The following MTMR3 variants were observed in gnomAD, a reference collection of about 807,000 sequenced individuals.
The protein encoded by MTMR3 is phosphatidylinositol-3,5-bisphosphate 3-phosphatase MTMR3.
Under a neutral mutation model 132.4 loss-of-function variants are expected in MTMR3, and 32 were observed. The observed-to-expected ratio is 0.24, with a 90% CI of 0.18 to 0.32. MTMR3 has a LOEUF of 0.32. Ranked by LOEUF, MTMR3 falls within the 10% of genes least tolerant of loss-of-function variation. The probability of loss-of-function intolerance (pLI) is 1.00; values close to 1 mark genes in which losing one functional copy is unlikely to be tolerated. For synonymous variants in MTMR3, 556 were observed against 550.3 expected (o/e 1.01, Z -0.14); for missense variants, 1,216 against 1,489.6 (o/e 0.82, Z 3.02).
Position 29,998,795 on chromosome 22 carries a change from G to T in MTMR3, c.495G>T (p.Val165=). The T allele has an allele frequency of 6.2e-7, 1 of 1,613,130 alleles. No individual in the cohort carries two copies. Among genetic ancestry groups the T allele is most frequent in the South Asian group, 1.1e-5 (1 of 90,928 alleles). The part of the protein sequence containing the change: ...EHVTSRFKNE[V]ERMGFDMNNA... Reference sequence around the variant, plus strand: ...TAACTTCAAGGTTTAAAAACGAGGTGGAGAGGATGGGTTTTGATATGAACA... The same window carrying T: ...TAACTTCAAGGTTTAAAAACGAGGTTGAGAGGATGGGTTTTGATATGAACA... The change falls in exon 8 of 20, where the codon GTG becomes GTT. Residue 165 remains valine (V), a synonymous_variant. Coordinates refer to ENST00000401950, the MANE Select transcript of MTMR3 (RefSeq NM_021090.4).
At chr22:30,022,572 A>G in intron 18 of MTMR3, 37 bp from the exon 19 acceptor site, 1 of 1,584,074 alleles carries the variant, frequency 6.3e-7, no homozygotes, top group Non-Finnish European at 8.7e-7. Context: ...TGGATGGCCC[A>G]TCTCCTGTCA....
At chr22:29,962,601 G>A (rs886586217) in intron 2 of MTMR3, among the ~76,000 whole-genome samples, 2 of 152,116 alleles carry the variant, frequency 1.3e-5, no homozygotes, top group African/African-American at 4.8e-5. Context: ...AGCCCAGGAG[G>A]TTGAGGCCGC....
Position 30,022,021 on chromosome 22 carries a change from G to C in MTMR3, c.3226-8G>C. ...TCATTCTGTTCAGCTGTGTTTGTTT[G>C]CCAACAGACTTCAATCCCCGACTCG... On this transcript the variant is annotated splice_polypyrimidine_tract_variant and splice_region_variant and intron_variant, in intron 17 of 19. Transcript: ENST00000401950. 6.2e-7 allele frequency: 1 copy of C among 1,606,304 alleles called. No individual in the cohort carries two copies. The highest frequency in any genetic ancestry group is 2.2e-5 in the East Asian group (1 of 44,844).
At chr22:29,966,269 A>G (rs61043203) in intron 2 of MTMR3, among the ~76,000 whole-genome samples, 6,615 of 152,214 alleles carry the variant, frequency 0.043, 484 homozygotes, top group African/African-American at 0.15. Context: ...TTATATAGAA[A>G]ATTAATAACT....
chr22:29,983,004 C>T (rs1314563657), intron 5 of MTMR3: 2 of 151,130 alleles, frequency 1.3e-5, no homozygotes, highest in East Asian at 3.9e-4. Flanking sequence ...TAGACTGCTT[C>T]TCAATCTGCT....
chr22:29,996,622 A>G (rs1012430461), intron 7 of MTMR3: 13 of 152,116 alleles, frequency 8.5e-5, no homozygotes, highest in African/African-American at 2.9e-4. Flanking sequence ...GAGTCGGGGG[A>G]AAAAATCTCT....
chr22:29,938,143 A>G (rs2065786240), intron 1 of MTMR3, among the ~76,000 whole-genome samples: 1 of 152,224 alleles, frequency 6.6e-6, no homozygotes, highest in Admixed American at 6.5e-5. Flanking sequence ...CATACCCACC[A>G]GCACCATGCA....
In MTMR3 at chr22:29,943,021, A is replaced by G. The variant is rs138490106; in HGVS notation, c.-137-14015A>G. On this transcript the variant is annotated intron_variant, in intron 1 of 19. Coordinates refer to ENST00000401950, the MANE Select transcript of MTMR3 (RefSeq NM_021090.4). ...TAATAAGTGTCTGTGAAATCTTCAT[A>G]ATTTATGTTCAGAGATTGCAGTAAA... 1.9e-4 allele frequency among the ~76,000 whole-genome samples: 29 copies of G among 152,268 alleles called. No homozygotes were observed. In the East Asian group the frequency reaches 5.4e-3, roughly 28 times the overall value.
At chr22:29,906,536 A>T (rs1160792277) in intron 1 of MTMR3, among the ~76,000 whole-genome samples, 1 of 151,048 alleles carries the variant, frequency 6.6e-6, no homozygotes, top group Non-Finnish European at 1.5e-5. Context: ...GAGTTTCACC[A>T]TGTTGGCCAG....
At chr22:29,909,800 C>G (rs893114001) in intron 1 of MTMR3, among the ~76,000 whole-genome samples, 4 of 152,156 alleles carry the variant, frequency 2.6e-5, no homozygotes, top group African/African-American at 4.8e-5. Context: ...AAATTTGCTT[C>G]TTGTTAAAAA....
At chr22:29,991,310 C>A (rs2066956463) in intron 6 of MTMR3, 194 bp from the exon 7 acceptor site, 1 of 445,288 alleles carries the variant, frequency 2.2e-6, no homozygotes, top group South Asian at 4.9e-5. Context: ...TCCTTTTGGA[C>A]ATTTTGTTCC....
At chr22:29,977,413 A>G (rs2066650946) in intron 3 of MTMR3, among the ~76,000 whole-genome samples, 1 of 152,246 alleles carries the variant, frequency 6.6e-6, no homozygotes, top group African/African-American at 2.4e-5. Flanking sequence ...TTACTTTTTA[A>G]TACAAATTGT....
At chr22:29,911,079 A>T (rs149193206) in intron 1 of MTMR3, among the ~76,000 whole-genome samples, 415 of 152,284 alleles carry the variant, frequency 2.7e-3, no homozygotes, top group African/African-American at 9.4e-3. Flanking sequence ...GCCCTACCCC[A>T]GGCAGGAGGT....
chr22:29,954,103 G>C (rs1461655264), intron 1 of MTMR3, among the ~76,000 whole-genome samples: 1 of 100,614 alleles, frequency 9.9e-6, no homozygotes, highest in Non-Finnish European at 1.8e-5. Flanking sequence ...ATTTAAAAGA[G>C]ACGAGGTCTC....
At chr22:29,938,879 T>C (rs1331802316) in intron 1 of MTMR3, among the ~76,000 whole-genome samples, 1 of 152,094 alleles carries the variant, frequency 6.6e-6, no homozygotes, top group Non-Finnish European at 1.5e-5. Context: ...TAGAGTGCAG[T>C]GTCGTGATCT....
Position 30,028,774 on chromosome 22 carries a change from T to G in MTMR3, c.*2973T>G, listed in dbSNP as rs2067960092. The stretch of plus-strand genomic sequence containing the variant: ...AAAGAGCCAGCTGAGCTGGTTCTAG[T>G]GTGAAAGCCGTAAGTGCCACCCAGC... On this transcript the variant is annotated 3_prime_UTR_variant, in exon 20 of 20. Transcript: ENST00000401950. 6.6e-6 allele frequency: 1 copy of G among 152,344 alleles called. No individual in the cohort carries two copies. Among genetic ancestry groups the G allele is most frequent in the East Asian group, 1.9e-4 (1 of 5,328 alleles). 9.4% of individuals were successfully genotyped at this position (152,344 alleles called of 1,614,324 possible).
intron 1 of MTMR3, among the ~76,000 whole-genome samples, chr22:29,950,847 T>C (rs1013226235): frequency 1.3e-5 from 2 of 152,226 alleles, no homozygotes; most frequent in African/African-American, 4.8e-5. Context: ...TATATCAGTA[T>C]ATCTGAGTTA....
At chr22:29,946,907 A>G (rs1031041044) in intron 1 of MTMR3, among the ~76,000 whole-genome samples, 5 of 152,194 alleles carry the variant, frequency 3.3e-5, no homozygotes, top group African/African-American at 1.2e-4. Context: ...GATATCACCA[A>G]TGATAATATA....
At chr22:29,945,960 A>T (rs1006487396) in intron 1 of MTMR3, among the ~76,000 whole-genome samples, 7 of 152,108 alleles carry the variant, frequency 4.6e-5, no homozygotes, top group African/African-American at 1.4e-4. Flanking sequence ...GTGTTAAAAG[A>T]TTTGACCAGA....
Sources: gnomAD v4.1 joint callset for allele counts (sites outside exome capture counted in the v4.1 genomes callset) on GRCh38, gnomAD v4.1.1 for gene constraint, MANE v1.5 for transcripts, NCBI Gene and HGNC (gene_info 2026-07-23, HGNC 2026-07-21) for gene names.